The following MAD1L1 variants were observed in gnomAD, a reference collection of about 807,000 sequenced individuals.
MAD1L1 encodes mitotic spindle assembly checkpoint protein MAD1.
In MAD1L1, 95 loss-of-function variants were observed where a neutral mutation model predicts 96.9. That is an observed-to-expected ratio of 0.98 (90% CI 0.83 to 1.16). The LOEUF (loss-of-function observed/expected upper bound fraction) is 1.16, where lower values mean the gene tolerates loss of function less well. Among genes scored for constraint, MAD1L1 ranks in the 50% most tolerant of loss-of-function variants. The probability of loss-of-function intolerance (pLI) is 0.00; values close to 1 mark genes in which losing one functional copy is unlikely to be tolerated. For synonymous variants in MAD1L1, 473 were observed against 396.6 expected (o/e 1.19, Z -2.29); for missense variants, 1,007 against 954.4 (o/e 1.06, Z -0.73).
intron 17 of MAD1L1, among the ~76,000 whole-genome samples, chr7:1,923,232 T>A (rs1044894339): frequency 6.6e-6 from 1 of 152,202 alleles, no homozygotes; most frequent in African/African-American, 2.4e-5. Flanking sequence ...ACTGGGTGAG[T>A]TCTGCAGTCT....
At chr7:1,885,396 G>A (rs748713133) in intron 18 of MAD1L1, among the ~76,000 whole-genome samples, 6 of 152,188 alleles carry the variant, frequency 3.9e-5, no homozygotes, top group African/African-American at 1.4e-4. Flanking sequence ...GGCTTAACGA[G>A]GGCTTTGAAG....
intron 18 of MAD1L1, among the ~76,000 whole-genome samples, chr7:1,891,565 G>C (rs1583676567): frequency 6.6e-6 from 1 of 151,948 alleles, no homozygotes; most frequent in East Asian, 1.9e-4. Flanking sequence ...AACTCAAAAA[G>C]TTACAACAAA....
chr7:1,982,604 A>C (rs530159525), intron 14 of MAD1L1, among the ~76,000 whole-genome samples: 3 of 152,330 alleles, frequency 2.0e-5, no homozygotes, highest in East Asian at 3.9e-4. Context: ...AGCAGTTCTC[A>C]GTTGATTCTC....
At chr7:2,221,030 A>G (rs2115006429) in intron 5 of MAD1L1, 1 of 1,611,436 alleles carries the variant, frequency 6.2e-7, no homozygotes, top group Non-Finnish European at 8.5e-7. Flanking sequence ...ACCCTGTGAC[A>G]GGAGAAGGCA....
chr7:2,169,693 G>T (rs1258860752), intron 10 of MAD1L1, among the ~76,000 whole-genome samples: 4 of 152,196 alleles, frequency 2.6e-5, no homozygotes, highest in African/African-American at 9.7e-5. Context: ...GACCCACAGG[G>T]GGCACATGGA....
intron 10 of MAD1L1, among the ~76,000 whole-genome samples, chr7:2,192,031 G>C (rs1251997285): frequency 2.0e-5 from 3 of 146,718 alleles, no homozygotes; most frequent in Non-Finnish European, 4.5e-5. Flanking sequence ...CCTCTGTCTC[G>C]ATAAAAAAAA....
chr7:1,956,458 C>T (rs543920514), intron 16 of MAD1L1, among the ~76,000 whole-genome samples: 2 of 152,200 alleles, frequency 1.3e-5, no homozygotes, highest in Non-Finnish European at 2.9e-5. Flanking sequence ...CACCATATCA[C>T]GGCATAAACA....
chr7:2,198,670 A>G, intron 10 of MAD1L1, among the ~76,000 whole-genome samples: 1 of 152,232 alleles, frequency 6.6e-6, no homozygotes, highest in East Asian at 1.9e-4. Context: ...TCCATGAGAC[A>G]GACACTCCCT....
chr7:1,925,808 C>T (rs1043176585), intron 17 of MAD1L1, among the ~76,000 whole-genome samples: 12 of 152,176 alleles, frequency 7.9e-5, no homozygotes, highest in African/African-American at 2.2e-4. Flanking sequence ...ATTTCTAACA[C>T]GGAACGCTTA....
In MAD1L1 at chr7:2,045,202, G is replaced by A. The variant is rs538292440; in HGVS notation, c.1218+23992C>T. Among the ~76,000 whole-genome samples the A allele has an allele frequency of 2.9e-4, 44 of 152,330 alleles. 1 individual carries two copies. The highest frequency in any genetic ancestry group is 5.3e-4 in the Non-Finnish European group (36 of 68,020). The stretch of plus-strand genomic sequence containing the variant: ...TGCTCCAGGCCAGGAGCACCAGCCC[G>A]TGTCTCAGTGGCTGTGAATCCCTGT... On this transcript the variant is annotated intron_variant, in intron 12 of 18. Coordinates refer to ENST00000265854, the MANE Select transcript of MAD1L1 (RefSeq NM_001013836.2).
intron 14 of MAD1L1, 188 bp from the exon 15 acceptor site, chr7:1,980,729 A>G (rs1422683428): frequency 1.0e-5 from 7 of 697,474 alleles, no homozygotes; most frequent in African/African-American, 7.0e-5. Flanking sequence ...TGCAAACTCA[A>G]GTTCTCTCAT....
At chr7:2,019,392 C>T (rs905304707) in intron 12 of MAD1L1, among the ~76,000 whole-genome samples, 4 of 152,230 alleles carry the variant, frequency 2.6e-5, no homozygotes, top group South Asian at 4.1e-4. Context: ...CAGTAATAAG[C>T]GCCTCGGAGG....
chr7:2,150,359 C>T (rs558366842), intron 10 of MAD1L1, among the ~76,000 whole-genome samples: 9 of 152,290 alleles, frequency 5.9e-5, no homozygotes, highest in African/African-American at 1.9e-4. Context: ...AAAACGCGCA[C>T]GCTGCAAACC....
chr7:1,823,539 G>A (rs1457210014), intron 18 of MAD1L1, among the ~76,000 whole-genome samples: 2 of 152,182 alleles, frequency 1.3e-5, no homozygotes, highest in African/African-American at 4.8e-5. Flanking sequence ...GGCACCTGGA[G>A]GGGTGACTGC....
chr7:2,039,156 C>A (rs565436447), intron 12 of MAD1L1, among the ~76,000 whole-genome samples: 2 of 152,302 alleles, frequency 1.3e-5, no homozygotes, highest in Admixed American at 1.3e-4. Context: ...CTCTTCGCTC[C>A]GCTAAACTCC....
chr7:1,886,107 C>T (rs1040993318), intron 18 of MAD1L1, among the ~76,000 whole-genome samples: 1 of 152,228 alleles, frequency 6.6e-6, no homozygotes, highest in African/African-American at 2.4e-5. Context: ...GCATGTTTAC[C>T]TTCTCGTCAG....
At chr7:1,911,876 G>A (rs1402127987) in intron 17 of MAD1L1, among the ~76,000 whole-genome samples, 1 of 152,244 alleles carries the variant, frequency 6.6e-6, no homozygotes, top group African/African-American at 2.4e-5. Context: ...TTCCAGCTGC[G>A]GCCACCTTTG....
Position 1,980,472 on chromosome 7 carries a change from C to CCCCCACAGGACACACCTGGGCGTGTCCG in MAD1L1, c.1485_1486insCGGACACGCCCAGGTGTGTCCTGTGGGG (p.Glu496ArgfsTer48), listed in dbSNP as rs766190271. On this transcript the variant is annotated frameshift_variant, in exon 15 of 19. Transcript: ENST00000265854. LOFTEE classifies it high-confidence loss of function. ...ACGTACCTGAGCGTGTCCGCCTCCT[C>CCCCCACAGGACACACCTGGGCGTGTCCG]CCTGGAGAACAGGAAGCTCTGTTCG... 1.2e-6 allele frequency: 2 copies of CCCCCACAGGACACACCTGGGCGTGTCCG among 1,612,496 alleles called. No homozygotes were observed. The highest frequency in any genetic ancestry group is 2.7e-5 in the African/African-American group (2 of 74,874).
At chr7:2,125,302 G>A (rs1026135917) in intron 11 of MAD1L1, among the ~76,000 whole-genome samples, 1 of 152,178 alleles carries the variant, frequency 6.6e-6, no homozygotes, top group Non-Finnish European at 1.5e-5. Flanking sequence ...TGCCCCTTCT[G>A]ATGACTGGAC....
Sources: gnomAD v4.1 joint callset for allele counts (sites outside exome capture counted in the v4.1 genomes callset) on GRCh38, gnomAD v4.1.1 for gene constraint, MANE v1.5 for transcripts, NCBI Gene and HGNC (gene_info 2026-07-23, HGNC 2026-07-21) for gene names.